GALNT17: variants seen among roughly 807,000 people sequenced by gnomAD.
GALNT17 encodes the protein UDP-GalNAc:polypeptide N-acetylgalactosaminyltransferase-like 3.
A neutral mutation model predicts 63.7 loss-of-function variants in GALNT17; 29 were observed. That is an observed-to-expected ratio of 0.46 (90% CI 0.34 to 0.62). The LOEUF is 0.62. Ranked by LOEUF, GALNT17 falls within the 20% of genes least tolerant of loss-of-function variation. The probability of loss-of-function intolerance (pLI) is 0.01; values close to 1 mark genes in which losing one functional copy is unlikely to be tolerated. For synonymous variants in GALNT17, 305 were observed against 318.3 expected (o/e 0.96, Z 0.45); for missense variants, 603 against 799.6 (o/e 0.75, Z 2.97).
At chr7:71,300,108 G>A (rs1174508973) in intron 1 of GALNT17, among the ~76,000 whole-genome samples, 2 of 152,218 alleles carry the variant, frequency 1.3e-5, no homozygotes, top group East Asian at 1.9e-4. Flanking sequence ...TCATAATCCC[G>A]GCCTCTCAAA....
At chr7:71,457,754 A>G (rs144892484) in intron 5 of GALNT17, among the ~76,000 whole-genome samples, 79 of 152,280 alleles carry the variant, frequency 5.2e-4, no homozygotes, top group African/African-American at 1.7e-3. Context: ...CTTTACCACA[A>G]CTTGTTTTTG....
intron 5 of GALNT17, among the ~76,000 whole-genome samples, chr7:71,435,217 G>A (rs538693501): frequency 2.4e-4 from 37 of 152,096 alleles, no homozygotes; most frequent in South Asian, 1.0e-3. Context: ...AACTGCCTTT[G>A]CAAAATTATG....
rs180736870 is a variant in GALNT17, at chr7:71,671,393, A to G, written c.1404+1284A>G. The stretch of plus-strand genomic sequence containing the variant: ...ATCCCTTTGACTTAGGAGTATTTAC[A>G]TTTTTCTACAACTGTGGATTTTCCT... On this transcript the variant is annotated intron_variant, in intron 8 of 10. Coordinates refer to ENST00000333538, the MANE Select transcript of GALNT17 (RefSeq NM_022479.3). 2.3e-3 allele frequency among the ~76,000 whole-genome samples: 357 copies of G among 152,254 alleles called. 1 individual carries two copies. The highest frequency in any genetic ancestry group is 8.3e-3 in the African/African-American group (346 of 41,546).
At chr7:71,329,461 G>T (rs1286279229) in intron 1 of GALNT17, among the ~76,000 whole-genome samples, 3 of 152,090 alleles carry the variant, frequency 2.0e-5, no homozygotes, top group Non-Finnish European at 2.9e-5. Flanking sequence ...ACAGTGGAGC[G>T]TGTCTGTATT....
At chr7:71,463,796 G>A (rs886455870) in intron 5 of GALNT17, among the ~76,000 whole-genome samples, 3 of 152,184 alleles carry the variant, frequency 2.0e-5, no homozygotes, top group Non-Finnish European at 2.9e-5. Context: ...GCATGCTAAT[G>A]CATTATAGTT....
At chr7:71,184,995 C>T (rs1010654840) in intron 1 of GALNT17, among the ~76,000 whole-genome samples, 2 of 129,866 alleles carry the variant, frequency 1.5e-5, no homozygotes, top group Non-Finnish European at 3.2e-5. Context: ...TTCCTTCCTT[C>T]CTTCTTCCTT....
chr7:71,549,350 T>G (rs943837088), intron 5 of GALNT17, among the ~76,000 whole-genome samples: 1 of 152,172 alleles, frequency 6.6e-6, no homozygotes, highest in Non-Finnish European at 1.5e-5. Flanking sequence ...GGAAGCTTGC[T>G]TGAGCCTAGG....
At chr7:71,630,503 G>A (rs1289453916) in intron 6 of GALNT17, among the ~76,000 whole-genome samples, 3 of 152,080 alleles carry the variant, frequency 2.0e-5, no homozygotes, top group South Asian at 4.1e-4. Flanking sequence ...GAGTTTCACC[G>A]GGTAGCTATG....
At chr7:71,623,750 G>A (rs3857700) in intron 6 of GALNT17, among the ~76,000 whole-genome samples, 83,241 of 151,990 alleles carry the variant, frequency 0.55, 25,911 homozygotes, top group East Asian at 0.78. Flanking sequence ...TGGTAGTTTT[G>A]TTTCTCCTGG....
intron 6 of GALNT17, among the ~76,000 whole-genome samples, chr7:71,590,214 G>A (rs1232129203): frequency 6.6e-6 from 1 of 152,154 alleles, no homozygotes; most frequent in Non-Finnish European, 1.5e-5. Flanking sequence ...TATAAATGAT[G>A]TCTAATGTAT....
intron 1 of GALNT17, among the ~76,000 whole-genome samples, chr7:71,202,614 C>T (rs1789195841): frequency 6.6e-6 from 1 of 152,060 alleles, no homozygotes; most frequent in Admixed American, 6.6e-5. Context: ...TTAACATGTC[C>T]ATCATTGCAC....
intron 3 of GALNT17, among the ~76,000 whole-genome samples, chr7:71,413,143 A>G (rs1317134426): frequency 6.6e-6 from 1 of 152,136 alleles, no homozygotes; most frequent in East Asian, 1.9e-4. Flanking sequence ...AGTAGATCCA[A>G]TTTTTCACTT....
At chr7:71,270,898 A>G (rs1790575531) in intron 1 of GALNT17, among the ~76,000 whole-genome samples, 1 of 151,770 alleles carries the variant, frequency 6.6e-6, no homozygotes, top group Admixed American at 6.6e-5. Context: ...CTGCCTGCTG[A>G]CTTAGTTTTG....
intron 1 of GALNT17, among the ~76,000 whole-genome samples, chr7:71,151,084 T>G (rs900923710): frequency 6.6e-5 from 10 of 152,100 alleles, no homozygotes; most frequent in Non-Finnish European, 1.2e-4. Context: ...GGGACCATTG[T>G]GTTCAGCCAT....
chr7:71,632,198 G>C (rs146327523), intron 6 of GALNT17, among the ~76,000 whole-genome samples: 1 of 152,202 alleles, frequency 6.6e-6, no homozygotes, highest in Non-Finnish European at 1.5e-5. Flanking sequence ...GAACAGCCTT[G>C]TGTCCGGCCA....
chr7:71,446,464 T>A (rs1017633461), intron 5 of GALNT17, among the ~76,000 whole-genome samples: 1 of 152,256 alleles, frequency 6.6e-6, no homozygotes, highest in Admixed American at 6.5e-5. Context: ...TATATTTTCA[T>A]ATAAACATTT....
chr7:71,148,860 T>TTA (rs59163644), intron 1 of GALNT17, among the ~76,000 whole-genome samples: 9,669 of 102,878 alleles, frequency 0.094, 485 homozygotes, highest in East Asian at 0.16. Flanking sequence ...TATGGTATTT[T>TTA]TATATATATA....
chr7:71,333,690 T>C (rs1356253704), intron 1 of GALNT17, among the ~76,000 whole-genome samples: 4 of 152,040 alleles, frequency 2.6e-5, no homozygotes, highest in Non-Finnish European at 5.9e-5. Flanking sequence ...TAGTAGAGAC[T>C]GGGTTTCACC....
rs377562724 is a variant in GALNT17 at position 71,263,730 on chromosome 7, T to G, written c.239-71820T>G. Reference sequence around the variant, plus strand: ...CTAGGTCAGGAGATCGAGACCATCCTGGCTAACACGGTGAAACCCCGTCTC... The same window carrying G: ...CTAGGTCAGGAGATCGAGACCATCCGGGCTAACACGGTGAAACCCCGTCTC... On this transcript the variant is annotated intron_variant, in intron 1 of 10. Transcript: ENST00000333538. Among the ~76,000 whole-genome samples the G allele has an allele frequency of 2.0e-5, 3 of 152,038 alleles. No individual in the cohort carries two copies. In the South Asian group the frequency reaches 6.2e-4, roughly 32 times the overall value.
Sources: allele counts gnomAD v4.1 joint callset (sites outside exome capture counted in the v4.1 genomes callset), GRCh38; gene constraint gnomAD v4.1.1; transcripts MANE v1.5; gene names NCBI Gene and HGNC (gene_info 2026-07-23, HGNC 2026-07-21).